The following TMEM132B variants were observed in gnomAD, a reference collection of about 807,000 sequenced individuals.
TMEM132B encodes the protein transmembrane protein 132B.
TMEM132B carries 18 observed loss-of-function variants against 90.8 expected under a neutral mutation model. The ratio of observed to expected loss-of-function variants is 0.20; its 90% confidence interval spans 0.14 to 0.29. The LOEUF is 0.29. TMEM132B is among the 10% of genes least tolerant of loss of function. TMEM132B has a pLI of 1.00. For missense variants in TMEM132B, 1,096 were observed against 1,326.8 expected, an observed-to-expected ratio of 0.83 and a Z score of 2.70; for synonymous variants, 504 against 523.3, an observed-to-expected ratio of 0.96 and a Z score of 0.50.
chr12:125,561,748 G>GA (rs1884539181), intron 4 of TMEM132B, among the ~76,000 whole-genome samples: 1 of 151,452 alleles, frequency 6.6e-6, no homozygotes, highest in Non-Finnish European at 1.5e-5. Context: ...CTATGTGGTT[G>GA]AAATATTCAG....
At chr12:125,635,923 C>A (rs1886467668) in intron 5 of TMEM132B, among the ~76,000 whole-genome samples, 1 of 152,150 alleles carries the variant, frequency 6.6e-6, no homozygotes, top group African/African-American at 2.4e-5. Flanking sequence ...TCTCTTTCTG[C>A]TATAATAGGG....
chr12:125,622,449 T>G (rs988101455), intron 5 of TMEM132B: 20 of 985,216 alleles, frequency 2.0e-5, no homozygotes, highest in Non-Finnish European at 2.4e-5. Context: ...AAGTAGAACT[T>G]TCATAGCCAG....
intron 3 of TMEM132B, among the ~76,000 whole-genome samples, chr12:125,517,684 G>C (rs1385377018): frequency 6.6e-6 from 1 of 152,100 alleles, no homozygotes; most frequent in African/African-American, 2.4e-5. Flanking sequence ...CATATTACTG[G>C]ATGGTACATG....
At chr12:125,296,241 T>G (rs919245629) in intron 1 of TMEM132B, among the ~76,000 whole-genome samples, 4 of 152,236 alleles carry the variant, frequency 2.6e-5, no homozygotes, top group Non-Finnish European at 2.9e-5. Context: ...GCCTATGCCC[T>G]GCTCTGGCCA....
intron 3 of TMEM132B, among the ~76,000 whole-genome samples, chr12:125,497,039 C>CTTCCTCT (rs998495426): frequency 1.3e-5 from 2 of 152,174 alleles, no homozygotes; most frequent in Non-Finnish European, 2.9e-5. Flanking sequence ...GTCTTACCGG[C>CTTCCTCT]TTCCTCTTTA....
In TMEM132B at chr12:125,459,169, CG is replaced by C. The variant is rs1881372385; in HGVS notation, c.1106+43493del. 6.6e-6 allele frequency among the ~76,000 whole-genome samples: 1 copy of C among 152,130 alleles called. No homozygotes were observed. Among genetic ancestry groups the C allele is most frequent in the Non-Finnish European group, 1.5e-5 (1 of 68,024 alleles). On this transcript the variant is annotated intron_variant, in intron 3 of 8. Transcript: ENST00000682704. This position sits in a 1 kb window ranked among gnomAD's most constrained non-coding sequence, Gnocchi z 4.1. ...TGTCCATGCCTGTGTGGTTTGAACACGAGGAGGGGCTGAAACTGGGGCAGCT... is the reference window on the plus strand; with the variant it reads ...TGTCCATGCCTGTGTGGTTTGAACACAGGAGGGGCTGAAACTGGGGCAGCT...
intron 3 of TMEM132B, among the ~76,000 whole-genome samples, chr12:125,441,173 C>G (rs1406560745): frequency 1.3e-5 from 2 of 152,142 alleles, no homozygotes; most frequent in Non-Finnish European, 2.9e-5. Flanking sequence ...ATGTAAAGTG[C>G]TTGCAACATT....
intron 3 of TMEM132B, among the ~76,000 whole-genome samples, chr12:125,416,418 C>T (rs985257450): frequency 3.9e-5 from 6 of 152,244 alleles, no homozygotes; most frequent in East Asian, 3.8e-4. Context: ...GGAGGGGGCT[C>T]GGACTCCTCA....
At chr12:125,603,222 G>A (rs774649476) in intron 5 of TMEM132B, among the ~76,000 whole-genome samples, 1 of 152,168 alleles carries the variant, frequency 6.6e-6, no homozygotes, top group Admixed American at 6.5e-5. Context: ...CAAGGCTACA[G>A]TAACTGAAAC....
At chr12:125,214,376 C>T (rs1593043749) in intron 1 of TMEM132B, among the ~76,000 whole-genome samples, 1 of 152,298 alleles carries the variant, frequency 6.6e-6, no homozygotes, top group African/African-American at 2.4e-5. Context: ...CCTCATATCC[C>T]ACCAGCTGAG....
chr12:125,546,401 C>T (rs4765050), intron 4 of TMEM132B, among the ~76,000 whole-genome samples: 32,379 of 152,094 alleles, frequency 0.21, 3,890 homozygotes, highest in Non-Finnish European at 0.28. Flanking sequence ...CTAGGATGAT[C>T]TCCATCTCCT....
chr12:125,587,233 G>GCA (rs1241538648), intron 5 of TMEM132B: 7 of 115,630 alleles, frequency 6.1e-5, no homozygotes, highest in African/African-American at 3.0e-4. Flanking sequence ...GTGTGTGTGT[G>GCA]CGCACACACA....
In TMEM132B at chr12:125,589,499, A is replaced by C. The variant is rs112759008; in HGVS notation, c.1437+5505A>C. Reference sequence around the variant, plus strand: ...TCCGTCTCAAAAAAAAAAAAAAAAAAAAAAAAAGAAATACCTGAGACCGGG... The same window carrying C: ...TCCGTCTCAAAAAAAAAAAAAAAAACAAAAAAAGAAATACCTGAGACCGGG... On this transcript the variant is annotated intron_variant, in intron 5 of 8. Coordinates refer to ENST00000682704, the MANE Select transcript of TMEM132B (RefSeq NM_001366854.1). 9.7e-3 allele frequency among the ~76,000 whole-genome samples: 1,474 copies of C among 151,458 alleles called. 31 individuals are homozygous for C. Among genetic ancestry groups the C allele is most frequent in the African/African-American group, 0.034 (1,402 of 41,248 alleles).
At chr12:125,582,333 T>C (rs963046991) in intron 4 of TMEM132B, among the ~76,000 whole-genome samples, 1 of 151,496 alleles carries the variant, frequency 6.6e-6, no homozygotes, top group African/African-American at 2.4e-5. Context: ...CATCTCTTAC[T>C]CTATTAAGCC....
chr12:125,496,775 C>T (rs998942682), intron 3 of TMEM132B, among the ~76,000 whole-genome samples: 7 of 152,176 alleles, frequency 4.6e-5, no homozygotes, highest in African/African-American at 1.7e-4. Flanking sequence ...AGAAGGAGGT[C>T]AAGTGTTCAG....
chr12:125,598,013 G>T (rs2136911912), intron 5 of TMEM132B, among the ~76,000 whole-genome samples: 1 of 152,268 alleles, frequency 6.6e-6, no homozygotes, highest in Middle Eastern at 3.4e-3. Flanking sequence ...AGCGTTTGTG[G>T]TGTGTAGGAT....
At position 125,604,492 on chromosome 12, in the gene TMEM132B, T is replaced by C. The variant is rs553042521; in HGVS notation, c.1437+20498T>C. Among the ~76,000 whole-genome samples, 7 of 152,264 alleles carry C rather than the reference T, an allele frequency of 4.6e-5. No individual in the cohort carries two copies. The East Asian group carries it at 1.4e-3, about 29-fold the overall frequency. ...GGAGAGCATTGGGACGAATAGCTAA[T>C]GCATGCAGGGCTTAAAACCTAGATG... On this transcript the variant is annotated intron_variant, in intron 5 of 8. Transcript: ENST00000682704.
At chr12:125,274,701 A>C (rs953475072) in intron 1 of TMEM132B, among the ~76,000 whole-genome samples, 2 of 152,214 alleles carry the variant, frequency 1.3e-5, no homozygotes, top group African/African-American at 4.8e-5. Context: ...TTTGATCTAC[A>C]TCTGCCTTAC....
At chr12:125,505,195 A>AAAAAAAAAAAAAAAAC (rs1183847146) in intron 3 of TMEM132B, among the ~76,000 whole-genome samples, 3 of 147,898 alleles carry the variant, frequency 2.0e-5, no homozygotes, top group Non-Finnish European at 4.5e-5. Context: ...AAAAAAAAAA[A>AAAAAAAAAAAAAAAAC]CAGTAAGTGG....
Sources: allele counts gnomAD v4.1 joint callset (sites outside exome capture counted in the v4.1 genomes callset), GRCh38; gene constraint gnomAD v4.1.1; non-coding constraint Gnocchi (gnomAD v3.1); transcripts MANE v1.5; gene names NCBI Gene and HGNC (gene_info 2026-07-23, HGNC 2026-07-21).